DDX23: variants seen among roughly 807,000 people sequenced by gnomAD.
DDX23 encodes probable ATP-dependent RNA helicase DDX23.
DDX23 carries 33 observed loss-of-function variants against 102.7 expected under a neutral mutation model. The observed-to-expected ratio is 0.32, with a 90% CI of 0.24 to 0.43. The LOEUF (loss-of-function observed/expected upper bound fraction) is 0.43, where lower values mean the gene tolerates loss of function less well. Ranked by LOEUF, DDX23 falls within the 20% of genes least tolerant of loss-of-function variation. The pLI is 1.00. For missense variants in DDX23, 549 were observed against 1,086.6 expected (o/e 0.51, Z 6.96); for synonymous variants, 352 against 376.0 (o/e 0.94, Z 0.74).
chr12:48,836,287 A>G lies in DDX23; in HGVS notation c.1237-21T>C. On this transcript the variant is annotated intron_variant, in intron 10 of 16. Coordinates refer to ENST00000308025, the MANE Select transcript of DDX23 (RefSeq NM_004818.3). The surrounding 1 kb of genome is among the most constrained non-coding windows in gnomAD (Gnocchi z 6.1). ...GGTTCCTGCAGTGACCCCAAGAAAG[A>G]GTAATAGGTACAGGGAGAGTTATAC... 1.2e-6 allele frequency: 2 copies of G among 1,613,630 alleles called. No individual in the cohort carries two copies. The highest frequency in any genetic ancestry group is 1.7e-6 in the Non-Finnish European group (2 of 1,179,548).
At chr12:48,837,215 G>C in intron 8 of DDX23, 66 bp downstream of exon 8, 1 of 1,570,188 alleles carries the variant, frequency 6.4e-7, no homozygotes. Flanking sequence ...CTCCACCTCC[G>C]TAGTCATCAG....
At position 48,840,061 on chromosome 12, in the gene DDX23, T is replaced by C; in HGVS notation, c.366A>G (p.Arg122=). 1 of 1,614,216 alleles carries C rather than the reference T, an allele frequency of 6.2e-7. No individual in the cohort carries two copies. Residue 122 remains arginine, a synonymous_variant, in exon 4 of 17, where the codon AGA becomes AGG. Transcript: ENST00000308025. The stretch of plus-strand genomic sequence containing the variant: ...CATCCTCTTCATCCTTCTTAGAGTC[T>C]CTGTCCTTCCGAGATTTAAAGTCTT... The part of the protein sequence containing the change: ...RGKDFKSRKD[R]DSKKDEEDEH...
Sources: gnomAD v4.1 joint callset for allele counts on GRCh38, gnomAD v4.1.1 for gene constraint, Gnocchi (gnomAD v3.1) non-coding constraint, MANE v1.5 for transcripts, NCBI Gene and HGNC (gene_info 2026-07-23, HGNC 2026-07-21) for gene names.